PCDH11X: variants seen among roughly 807,000 people sequenced by gnomAD.
PCDH11X encodes protocadherin-11 X-linked.
A neutral mutation model predicts 53.3 loss-of-function variants in PCDH11X; 18 were observed. That is an observed-to-expected ratio of 0.34 (90% CI 0.23 to 0.50). PCDH11X has a LOEUF of 0.50. Among genes scored for constraint, PCDH11X ranks in the 20% least tolerant of loss-of-function variants. The pLI is 0.98. For missense variants in PCDH11X, 570 were observed against 1,032.4 expected (o/e 0.55, Z 6.14); for synonymous variants, 279 against 393.3 (o/e 0.71, Z 3.44).
intron 6 of PCDH11X, among the ~76,000 whole-genome samples, chrX:92,097,655 T>C (rs1204439198): frequency 1.8e-5 from 2 of 110,718 alleles, no homozygotes; most frequent in Admixed American, 2.0e-4. Context: ...TTATGAATTA[T>C]GCAGAACTCC....
chrX:92,175,344 G>A (rs2065888761), intron 6 of PCDH11X, among the ~76,000 whole-genome samples: 1 of 111,192 alleles, frequency 9.0e-6, no homozygotes, highest in South Asian at 3.8e-4. Flanking sequence ...CTTGTACATC[G>A]GCAGCTTCCA....
chrX:92,196,144 C>T (rs941129189), intron 6 of PCDH11X, among the ~76,000 whole-genome samples: 3 of 111,497 alleles, frequency 2.7e-5, no homozygotes, highest in African/African-American at 9.8e-5. Context: ...AAATTTTGAC[C>T]AAACACTAAA....
At chrX:92,477,833 T>A (rs892387180) in intron 10 of PCDH11X, among the ~76,000 whole-genome samples, 1 of 104,392 alleles carries the variant, frequency 9.6e-6, no homozygotes, top group African/African-American at 3.5e-5. Context: ...AATATCTTCT[T>A]TGTCATTTCT....
intron 10 of PCDH11X, among the ~76,000 whole-genome samples, chrX:92,569,627 C>T: frequency 9.0e-6 from 1 of 111,175 alleles, no homozygotes; most frequent in Non-Finnish European, 1.9e-5. Context: ...CTTCCAATGT[C>T]ATTAACTATT....
At chrX:91,813,625 A>G (rs1268656444) in intron 4 of PCDH11X, among the ~76,000 whole-genome samples, 1 of 107,161 alleles carries the variant, frequency 9.3e-6, no homozygotes, top group Non-Finnish European at 1.9e-5. Context: ...GAAAGGTAAT[A>G]AACATAGTTT....
intron 8 of PCDH11X, among the ~76,000 whole-genome samples, chrX:92,315,914 G>A (rs1312091802): frequency 2.0e-5 from 2 of 102,306 alleles, no homozygotes; most frequent in African/African-American, 7.2e-5. Flanking sequence ...GAAGAGTTGG[G>A]AAATTACTCA....
intron 10 of PCDH11X, among the ~76,000 whole-genome samples, chrX:92,586,954 AATG>A (rs1171227504): frequency 1.8e-5 from 2 of 108,823 alleles, no homozygotes; most frequent in East Asian, 5.7e-4. Context: ...GAAACGACCA[AATG>A]ATGAACTCTA....
intron 7 of PCDH11X, among the ~76,000 whole-genome samples, chrX:92,252,517 T>C (rs1458972453): frequency 9.0e-6 from 1 of 111,685 alleles, no homozygotes; most frequent in Admixed American, 9.5e-5. Flanking sequence ...ATTTTGACCA[T>C]GACATTTAGA....
At chrX:91,959,271 C>G (rs766340777) in intron 6 of PCDH11X, among the ~76,000 whole-genome samples, 9 of 110,263 alleles carry the variant, frequency 8.2e-5, no homozygotes, top group African/African-American at 3.0e-4. Flanking sequence ...ACATTCATCA[C>G]TGAAAATAGT....
At chrX:92,218,685 C>T (rs1250909848) in intron 7 of PCDH11X, among the ~76,000 whole-genome samples, 1 of 111,276 alleles carries the variant, frequency 9.0e-6, no homozygotes, top group Non-Finnish European at 1.9e-5. Context: ...GAATCCTCCC[C>T]AACTCATTTT....
chrX:91,895,419 A>G (rs923645878), intron 6 of PCDH11X, among the ~76,000 whole-genome samples: 8 of 111,419 alleles, frequency 7.2e-5, no homozygotes, highest in African/African-American at 2.6e-4. Context: ...ACAGGAAAAG[A>G]GAAAGAAGTG....
intron 6 of PCDH11X, among the ~76,000 whole-genome samples, chrX:91,886,910 G>A (rs1940238061): frequency 9.8e-6 from 1 of 102,098 alleles, no homozygotes; most frequent in South Asian, 4.6e-4. Context: ...GGCGGAGCTT[G>A]CAGTGAGCCA....
chrX:92,241,189 T>C (rs2067256465), intron 7 of PCDH11X, among the ~76,000 whole-genome samples: 1 of 111,505 alleles, frequency 9.0e-6, no homozygotes, highest in African/African-American at 3.3e-5. Flanking sequence ...AGCAGAGTTA[T>C]TATAAATTAC....
At chrX:92,467,719 A>G (rs1220500204) in intron 9 of PCDH11X, among the ~76,000 whole-genome samples, 2 of 111,299 alleles carry the variant, frequency 1.8e-5, no homozygotes, top group Admixed American at 9.6e-5. Flanking sequence ...GAGAAATAAT[A>G]TAAAATTTTA....
chrX:91,887,500 T>C (rs1250441052), intron 6 of PCDH11X, among the ~76,000 whole-genome samples: 1 of 112,168 alleles, frequency 8.9e-6, no homozygotes, highest in Non-Finnish European at 1.9e-5. Flanking sequence ...GGAGTAGACT[T>C]TTAAAATTCT....
intron 6 of PCDH11X, among the ~76,000 whole-genome samples, chrX:92,103,944 A>G (rs2064318874): frequency 9.0e-6 from 1 of 111,503 alleles, no homozygotes; most frequent in Non-Finnish European, 1.9e-5. Context: ...AATAAAATGT[A>G]TATTGAGAAT....
In PCDH11X at chrX:91,959,319, T is replaced by G. The variant is rs187919963; in HGVS notation, c.3033+80046T>G. On this transcript the variant is annotated intron_variant, in intron 6 of 10. Coordinates refer to ENST00000682573, the MANE Select transcript of PCDH11X (RefSeq NM_032968.5). ...TTCTTTTTGATGAGAACACTTGACATCTACTCTCTTAGTAAATGTCCAGTC... is the reference window on the plus strand; with the variant it reads ...TTCTTTTTGATGAGAACACTTGACAGCTACTCTCTTAGTAAATGTCCAGTC... Among the ~76,000 whole-genome samples the G allele has an allele frequency of 5.8e-4, 65 of 111,230 alleles. 1 individual carries two copies. Among genetic ancestry groups the G allele is most frequent in the Non-Finnish European group, 9.2e-4 (49 of 53,010 alleles).
chrX:92,101,776 GC>G (rs1180850906), intron 6 of PCDH11X, among the ~76,000 whole-genome samples: 1 of 110,584 alleles, frequency 9.0e-6, no homozygotes, highest in Non-Finnish European at 1.9e-5. Flanking sequence ...CTGGGTGGGG[GC>G]AAATCCTTGA....
At chrX:92,522,919 G>T (rs2074391649) in intron 10 of PCDH11X, among the ~76,000 whole-genome samples, 2 of 111,351 alleles carry the variant, frequency 1.8e-5, no homozygotes, top group South Asian at 7.6e-4. Flanking sequence ...ACATCACTTG[G>T]ATGAAATGTA....
Sources: gnomAD v4.1 joint callset for allele counts (sites outside exome capture counted in the v4.1 genomes callset) on GRCh38, gnomAD v4.1.1 for gene constraint, MANE v1.5 for transcripts, NCBI Gene and HGNC (gene_info 2026-07-23, HGNC 2026-07-21) for gene names.